Variants in NIBAN3 observed in about 807,000 individuals in gnomAD.
NIBAN3 encodes the protein protein Niban 3.
A neutral mutation model predicts 76.4 loss-of-function variants in NIBAN3; 66 were observed. The observed-to-expected ratio is 0.86, with a 90% CI of 0.71 to 1.06. NIBAN3 has a LOEUF of 1.06. Ranked by LOEUF, NIBAN3 falls within the 50% of genes least tolerant of loss-of-function variation. The pLI is 0.00. For synonymous variants in NIBAN3, 360 were observed against 355.2 expected, an observed-to-expected ratio of 1.01 and a Z score of -0.15; for missense variants, 808 against 810.7, an observed-to-expected ratio of 1.00 and a Z score of 0.04.
At chr19:17,528,577 A>G (rs1288420153) in intron 1 of NIBAN3, among the ~76,000 whole-genome samples, 1 of 152,068 alleles carries the variant, frequency 6.6e-6, no homozygotes, top group African/African-American at 2.4e-5. Context: ...TCAGTTCCCA[A>G]TTTGAGACTA....
rs755067728 is a variant in NIBAN3 at position 17,551,776 on chromosome 19, C to T, written c.1751-10C>T. The T allele has an allele frequency of 1.3e-6, 1 of 773,084 alleles. No homozygotes were observed. The highest frequency in any genetic ancestry group is 1.4e-5 in the South Asian group (1 of 73,940). The allele number at this position is 773,084 out of a possible 1,614,324, so 47.9% of individuals were successfully genotyped here. The stretch of plus-strand genomic sequence containing the variant: ...TGATTTTTGACGTCCGTATATTTTC[C>T]ATTATACAGATGAGGAAACTGAGGC... On this transcript the variant is annotated splice_polypyrimidine_tract_variant and intron_variant, in intron 14 of 14. Coordinates refer to ENST00000599164, the MANE Select transcript of NIBAN3 (RefSeq NM_001321827.2).
At chr19:17,545,303 G>C (rs2076032106) in intron 12 of NIBAN3, 1 of 155,912 alleles carries the variant, frequency 6.4e-6, no homozygotes, top group Non-Finnish European at 1.4e-5. Flanking sequence ...CTAGGTTCAA[G>C]CGATCCTCCC....
upstream of NIBAN3, among the ~76,000 whole-genome samples, chr19:17,523,897 C>CT (rs1324120196): frequency 6.6e-6 from 1 of 152,062 alleles, no homozygotes; most frequent in Non-Finnish European, 1.5e-5. Context: ...CCCTCGCTTT[C>CT]TTTTTTGGGG....
At chr19:17,527,517 G>C in intron 1 of NIBAN3, 122 bp downstream of exon 1, 1 of 997,370 alleles carries the variant, frequency 1.0e-6, no homozygotes, top group Non-Finnish European at 1.4e-6. Context: ...AAAACACACA[G>C]GATGCCTTCT....
upstream of NIBAN3, among the ~76,000 whole-genome samples, chr19:17,524,738 T>C (rs2075588747): frequency 6.6e-6 from 1 of 152,248 alleles, no homozygotes; most frequent in African/African-American, 2.4e-5. Context: ...TCACACATTC[T>C]TCAGGAACCC....
intron 2 of NIBAN3, 33 bp from the exon 3 acceptor site, chr19:17,532,230 C>A: frequency 2.5e-6 from 4 of 1,582,690 alleles, no homozygotes; most frequent in Non-Finnish European, 3.4e-6. Context: ...CAGCCCACAG[C>A]CCCCTGACAC....
At chr19:17,553,656 G>T (rs2076189943), downstream of NIBAN3, 6 of 1,104,636 alleles carry the variant, frequency 5.4e-6, no homozygotes, top group East Asian at 1.4e-4. Context: ...TTCTTTAGCT[G>T]TCTTCCTTTT....
rs528547656 is a variant in NIBAN3, at chr19:17,542,126, G to A, written c.1171-10G>A. ...GCATTTTTCCCCCAAAACTGCTTCC[G>A]GGAGCACAGGTTTACTCATTTGGGG... On this transcript the variant is annotated splice_polypyrimidine_tract_variant and intron_variant, in intron 9 of 14. Coordinates refer to ENST00000599164, the MANE Select transcript of NIBAN3 (RefSeq NM_001321827.2). This position sits in a 1 kb window ranked among gnomAD's most constrained non-coding sequence, Gnocchi z 4.8. The A allele has an allele frequency of 1.3e-5, 21 of 1,614,054 alleles. No homozygotes were observed. The highest frequency in any genetic ancestry group is 5.3e-5 in the African/African-American group (4 of 75,030).
chr19:17,544,868 C>T (rs1312811636), intron 12 of NIBAN3, among the ~76,000 whole-genome samples: 5 of 152,244 alleles, frequency 3.3e-5, no homozygotes, highest in Admixed American at 2.6e-4. Context: ...CTAATTAATC[C>T]CATGAATCCT....
chr19:17,545,799 C>T, intron 12 of NIBAN3: 1 of 237,230 alleles, frequency 4.2e-6, no homozygotes, highest in Non-Finnish European at 8.8e-6. Flanking sequence ...GGAGCGAGAC[C>T]ACTGAAGCAC....
intron 1 of NIBAN3, among the ~76,000 whole-genome samples, chr19:17,529,532 G>C (rs1568441291): frequency 6.6e-6 from 1 of 152,220 alleles, no homozygotes; most frequent in Non-Finnish European, 1.5e-5. Flanking sequence ...AGCTCAAAGA[G>C]CTAGTCACCC....
At chr19:17,526,539 T>C (rs1199636976), upstream of NIBAN3, among the ~76,000 whole-genome samples, 4 of 151,614 alleles carry the variant, frequency 2.6e-5, no homozygotes, top group Admixed American at 6.6e-5. Context: ...GCCCAGCTAC[T>C]CTGGAGGCTG....
intron 4 of NIBAN3, among the ~76,000 whole-genome samples, chr19:17,534,793 A>G (rs1182404088): frequency 9.5e-6 from 1 of 105,026 alleles, no homozygotes; most frequent in East Asian, 2.0e-4. Flanking sequence ...TCCATCTCAA[A>G]AAAAAAAAAA....
At chr19:17,528,263 T>C (rs527366827) in intron 1 of NIBAN3, among the ~76,000 whole-genome samples, 1 of 152,092 alleles carries the variant, frequency 6.6e-6, no homozygotes, top group African/African-American at 2.4e-5. Flanking sequence ...GACTAATTTT[T>C]GTATTTTTAG....
At chr19:17,524,124 C>T (rs1241726140), upstream of NIBAN3, among the ~76,000 whole-genome samples, 1 of 152,056 alleles carries the variant, frequency 6.6e-6, no homozygotes, top group Admixed American at 6.6e-5. Context: ...CTCCTGACCT[C>T]AAGCGATCCA....
chr19:17,537,380 C>T lies in NIBAN3; in HGVS notation c.432C>T (p.Asp144=). The T allele has an allele frequency of 6.2e-7, 1 of 1,613,296 alleles. No homozygotes were observed. The highest frequency in any genetic ancestry group is 8.5e-7 in the Non-Finnish European group (1 of 1,179,648). The change falls in exon 5 of 15, where the codon GAC becomes GAT. Residue 144 remains aspartate, a synonymous_variant. Coordinates refer to ENST00000599164, the MANE Select transcript of NIBAN3 (RefSeq NM_001321827.2). The part of the protein sequence containing the change: ...LDALCPESLG[D]HTQEEPDSLL... ...CGACCTCCTGTTTGTTTTCAGGAGACCATACTCAGGAAGAGCCTGACTCCC... is the reference window on the plus strand; with the variant it reads ...CGACCTCCTGTTTGTTTTCAGGAGATCATACTCAGGAAGAGCCTGACTCCC...
chr19:17,545,983 C>G, intron 12 of NIBAN3: 1 of 440,964 alleles, frequency 2.3e-6, no homozygotes, highest in South Asian at 1.6e-5. Context: ...CTTTTCGCTA[C>G]CGCTAGACCA....
In NIBAN3 at chr19:17,545,036, G is replaced by A. The variant is rs534133111; in HGVS notation, c.1554+1405G>A. On this transcript the variant is annotated intron_variant, in intron 12 of 14. Coordinates refer to ENST00000599164, the MANE Select transcript of NIBAN3 (RefSeq NM_001321827.2). ...GAATTCGCCAGATGTGGTGGTGCAC[G>A]CCTGTAGTCCAAGCTACTTGGGAGG... 1.1e-3 allele frequency among the ~76,000 whole-genome samples: 167 copies of A among 152,012 alleles called. 1 individual carries two copies. Among genetic ancestry groups the A allele is most frequent in the Non-Finnish European group, 1.9e-3 (132 of 67,934 alleles).
At chr19:17,536,266 C>G (rs1454223324) in intron 4 of NIBAN3, among the ~76,000 whole-genome samples, 1 of 152,104 alleles carries the variant, frequency 6.6e-6, no homozygotes, top group Non-Finnish European at 1.5e-5. Flanking sequence ...TCTCTGCTCA[C>G]TGCAACCTCC....
Sources: allele counts gnomAD v4.1 joint callset (sites outside exome capture counted in the v4.1 genomes callset), GRCh38; gene constraint gnomAD v4.1.1; non-coding constraint Gnocchi (gnomAD v3.1); transcripts MANE v1.5; gene names NCBI Gene and HGNC (gene_info 2026-07-23, HGNC 2026-07-21).